The following BTD variants were observed in gnomAD, a reference collection of about 807,000 sequenced individuals.
The protein encoded by BTD is biocytinase.
BTD carries 13 observed loss-of-function variants against 17.7 expected under a neutral mutation model. The observed-to-expected ratio is 0.74, with a 90% confidence interval of 0.48 to 1.17. BTD has a LOEUF of 1.17. BTD is among the 50% of genes most tolerant of loss of function. The pLI is 0.00. For missense variants in BTD, 674 were observed against 650.4 expected (o/e 1.04, Z -0.39); for synonymous variants, 240 against 245.2 (o/e 0.98, Z 0.20).
chr3:15,617,115 G>C (rs1256043032), intron 1 of BTD, among the ~76,000 whole-genome samples: 1 of 152,224 alleles, frequency 6.6e-6, no homozygotes, highest in Admixed American at 6.5e-5. Context: ...TTATAGGCAT[G>C]AGCCACCATG....
At chr3:15,671,294 C>T (rs1161492367) in intron 3 of BTD, among the ~76,000 whole-genome samples, 1 of 152,098 alleles carries the variant, frequency 6.6e-6, no homozygotes, top group Admixed American at 6.5e-5. Flanking sequence ...TTTGGTACCT[C>T]AGTTGGTACA....
At chr3:15,641,220 G>A (rs1466582823) in intron 2 of BTD, among the ~76,000 whole-genome samples, 1 of 152,218 alleles carries the variant, frequency 6.6e-6, no homozygotes, top group African/African-American at 2.4e-5. Flanking sequence ...AGTCCCGAAG[G>A]GAGCCTCCTA....
intron 1 of BTD, chr3:15,602,254 G>T: frequency 7.9e-7 from 1 of 1,273,704 alleles, no homozygotes; most frequent in Non-Finnish European, 1.0e-6. Context: ...CCTGAATCCT[G>T]TTTCCTACCC....
intron 3 of BTD, chr3:15,679,280 A>C (rs1467216498): frequency 1.7e-5 from 28 of 1,610,318 alleles, no homozygotes; most frequent in Non-Finnish European, 2.2e-5. Context: ...AAAACTATTT[A>C]ATACATAGTT....
At chr3:15,655,994 G>T (rs1351858883), downstream of BTD, among the ~76,000 whole-genome samples, 1 of 152,076 alleles carries the variant, frequency 6.6e-6, no homozygotes, top group Non-Finnish European at 1.5e-5. Context: ...GTAGAGACAA[G>T]GTTTCACCAT....
intron 1 of BTD, among the ~76,000 whole-genome samples, chr3:15,625,756 C>T (rs1396218090): frequency 4.6e-5 from 7 of 152,110 alleles, no homozygotes; most frequent in African/African-American, 9.7e-5. Flanking sequence ...GGGGTTTCAC[C>T]GTGTTAGCCA....
downstream of BTD, among the ~76,000 whole-genome samples, chr3:15,713,291 T>C (rs2072573891): frequency 6.6e-6 from 1 of 152,222 alleles, no homozygotes; most frequent in Admixed American, 6.5e-5. Flanking sequence ...AAAACTGCGT[T>C]ATTACTCAAA....
intron 1 of BTD, among the ~76,000 whole-genome samples, chr3:15,610,424 A>G (rs1255014421): frequency 6.6e-6 from 1 of 152,226 alleles, no homozygotes; most frequent in Non-Finnish European, 1.5e-5. Flanking sequence ...AGTTAAAGGC[A>G]TTCGAGTTAC....
intron 3 of BTD, among the ~76,000 whole-genome samples, chr3:15,683,258 AG>A (rs1391935869): frequency 6.6e-6 from 1 of 152,344 alleles, no homozygotes; most frequent in East Asian, 1.9e-4. Context: ...ACTTTTTTAC[AG>A]AAACACAACT....
chr3:15,602,038 G>A (rs929233693), intron 1 of BTD, 144 bp downstream of exon 1: 1 of 1,483,790 alleles, frequency 6.7e-7, no homozygotes. Context: ...CGTTTGCTGG[G>A]GCTGTTTGTG....
chr3:15,682,673 G>A, intron 3 of BTD, among the ~76,000 whole-genome samples: 1 of 152,154 alleles, frequency 6.6e-6, no homozygotes, highest in Middle Eastern at 3.2e-3. Flanking sequence ...TTAAGAGGTT[G>A]TTTTCTGTTC....
At chr3:15,685,529 C>T (rs146784525) in intron 3 of BTD, 1 of 1,127,550 alleles carries the variant, frequency 8.9e-7, no homozygotes, top group East Asian at 2.4e-5. Flanking sequence ...ACTTTAAAGA[C>T]CATACTCTCC....
chr3:15,679,828 C>T (rs1417136486), intron 3 of BTD, among the ~76,000 whole-genome samples: 1 of 151,798 alleles, frequency 6.6e-6, no homozygotes, highest in Non-Finnish European at 1.5e-5. Context: ...CAACCAACCC[C>T]AAATTAAAAA....
chr3:15,720,980 C>A, intron 4 of BTD: 1 of 1,613,898 alleles, frequency 6.2e-7, no homozygotes, highest in Non-Finnish European at 8.5e-7. Context: ...TGTGTTGATG[C>A]AGCAGCAAAG....
rs2064358024 is a variant in BTD, at chr3:15,603,796, C to G, written c.-17+1902C>G. On this transcript the variant is annotated intron_variant, in intron 1 of 3. Coordinates refer to ENST00000643237, the MANE Select transcript of BTD (RefSeq NM_001370658.1). The stretch of plus-strand genomic sequence containing the variant: ...ATTGGTCAAGACAAAGGGGCTAAAG[C>G]CCCCATGCAAGTTCAAAATCTGGCA... Among the ~76,000 whole-genome samples, 5 of 152,340 alleles carry G rather than the reference C, an allele frequency of 3.3e-5. No homozygotes were observed. In the South Asian group the frequency reaches 1.0e-3, roughly 32 times the overall value.
Position 15,646,369 on chromosome 3 carries a change from C to T in BTD, c.*881C>T, listed in dbSNP as rs2065695171. 6.6e-6 allele frequency: 1 copy of T among 152,198 alleles called. No individual in the cohort carries two copies. The highest frequency in any genetic ancestry group is 1.5e-5 in the Non-Finnish European group (1 of 68,046). The allele number at this position is 152,198 out of a possible 1,614,324, so 9.4% of individuals were successfully genotyped here. On this transcript the variant is annotated 3_prime_UTR_variant, in exon 4 of 4. Coordinates refer to ENST00000643237, the MANE Select transcript of BTD (RefSeq NM_001370658.1). ...TGGATTGATGCTGGTATAATTTGAT[C>T]TGGAGCCCTATAGAGGATCTCGTTG... is the stretch of plus-strand genomic sequence containing the variant.
intron 2 of BTD, among the ~76,000 whole-genome samples, chr3:15,640,874 C>T (rs2065482535): frequency 6.6e-6 from 1 of 151,978 alleles, no homozygotes; most frequent in African/African-American, 2.4e-5. Context: ...AAATTTTCTA[C>T]AGTAAAACTT....
chr3:15,670,168 C>A, intron 3 of BTD: 1 of 1,330,650 alleles, frequency 7.5e-7, no homozygotes, highest in Non-Finnish European at 1.0e-6. Context: ...ACTGTGGGAT[C>A]TTTCCTCTTA....
rs143853360 is a variant in BTD at position 15,681,605 on chromosome 3, ATTTTC to A, written c.400-28445_400-28441del. 2.8e-3 allele frequency among the ~76,000 whole-genome samples: 422 copies of A among 152,258 alleles called. 4 individuals are homozygous for A. The highest frequency in any genetic ancestry group is 9.7e-3 in the African/African-American group (404 of 41,562). ...TATTTGCCTACCAAAGTGATGTTAT[ATTTTC>A]TTTTCTTTTTAAATTACTCAAACTT... On this transcript the variant is annotated intron_variant, in intron 3 of 3. Coordinates refer to the BTD transcript ENST00000672141.
Sources: allele counts gnomAD v4.1 joint callset (sites outside exome capture counted in the v4.1 genomes callset), GRCh38; gene constraint gnomAD v4.1.1; transcripts MANE v1.5; gene names NCBI Gene and HGNC (gene_info 2026-07-23, HGNC 2026-07-21).